TTC28: variants seen among roughly 807,000 people sequenced by gnomAD.
TTC28 encodes the protein tetratricopeptide repeat domain 28, also known as tetratricopeptide repeat protein 28.
In TTC28, 61 loss-of-function variants were observed where a neutral mutation model predicts 198.0. The ratio of observed to expected loss-of-function variants is 0.31; its 90% confidence interval spans 0.25 to 0.38. The LOEUF (loss-of-function observed/expected upper bound fraction) is 0.38. Among genes scored for constraint, TTC28 ranks in the 10% least tolerant of loss-of-function variants. The pLI, the probability that TTC28 is intolerant of heterozygous loss-of-function variation, is 1.00. For missense variants in TTC28, 2,678 were observed against 3,164.0 expected, an observed-to-expected ratio of 0.85 and a Z score of 3.69; for synonymous variants, 1,171 against 1,297.8, an observed-to-expected ratio of 0.90 and a Z score of 2.10.
intron 5 of TTC28, among the ~76,000 whole-genome samples, chr22:28,277,201 A>G (rs1410195531): frequency 6.6e-6 from 1 of 152,240 alleles, no homozygotes; most frequent in East Asian, 1.9e-4. Context: ...GCAGAAGAAT[A>G]TGTATTATGA....
intron 5 of TTC28, among the ~76,000 whole-genome samples, chr22:28,227,917 C>T (rs971570249): frequency 1.3e-5 from 2 of 152,086 alleles, no homozygotes; most frequent in African/African-American, 4.8e-5. Context: ...ATTTGCACGT[C>T]CATGTTTATA....
intron 1 of TTC28, among the ~76,000 whole-genome samples, chr22:28,654,517 G>A (rs1053655303): frequency 6.6e-5 from 10 of 151,948 alleles, no homozygotes; most frequent in Non-Finnish European, 1.0e-4. Flanking sequence ...TAGTAGAGAC[G>A]GGGTTTCACC....
intron 14 of TTC28, among the ~76,000 whole-genome samples, chr22:28,009,951 C>G (rs1938079728): frequency 2.0e-5 from 3 of 152,162 alleles, no homozygotes; most frequent in Non-Finnish European, 4.4e-5. Context: ...ACTTTAATAC[C>G]TTTAAAAAGG....
Position 28,588,973 on chromosome 22 carries a change from GA to G in TTC28, c.381+40578del, listed in dbSNP as rs1402145562. On this transcript the variant is annotated intron_variant, in intron 2 of 22. Transcript: ENST00000397906. ...AGGCCAGCAAGATCAGATCCTAGAG[GA>G]AAAATTACCACCTTTCACTGAGTAT... Among the ~76,000 whole-genome samples the G allele has an allele frequency of 2.0e-5, 3 of 152,136 alleles. No individual in the cohort carries two copies. The East Asian group carries it at 5.8e-4, about 29-fold the overall frequency.
chr22:28,037,085 G>A (rs1354105460), intron 12 of TTC28, among the ~76,000 whole-genome samples: 9 of 152,142 alleles, frequency 5.9e-5, no homozygotes, highest in Admixed American at 5.9e-4. Flanking sequence ...TTCTACCAGA[G>A]GCATAAGGAG....
At position 27,979,003 on chromosome 22, in the gene TTC28, A is replaced by G. The variant is rs1248316433; in HGVS notation, c.*3218T>C. 1 of 152,252 alleles carries G rather than the reference A, an allele frequency of 6.6e-6. No individual in the cohort carries two copies. Among genetic ancestry groups the G allele is most frequent in the Non-Finnish European group, 1.5e-5 (1 of 68,050 alleles). 9.4% of individuals were successfully genotyped at this position (152,252 alleles called of 1,614,324 possible). On this transcript the variant is annotated 3_prime_UTR_variant, in exon 23 of 23. Transcript: ENST00000397906. ...ATATTACATCCATGGACTCCTCCCA[A>G]GTGGGACAAAGAGCCAAGGGCTATG... is the stretch of plus-strand genomic sequence containing the variant.
chr22:28,618,017 A>C (rs1293476723), intron 2 of TTC28, among the ~76,000 whole-genome samples: 1 of 152,204 alleles, frequency 6.6e-6, no homozygotes, highest in Admixed American at 6.5e-5. Context: ...TCACGCCTGC[A>C]ATCCCAGCAC....
intron 5 of TTC28, among the ~76,000 whole-genome samples, chr22:28,256,637 C>G (rs903660517): frequency 2.0e-5 from 3 of 152,064 alleles, no homozygotes; most frequent in Non-Finnish European, 2.9e-5. Context: ...GTAAAAAGAA[C>G]AAGGCTGGAG....
chr22:28,098,857 CGCGCACCCGT>C (rs1310877893), intron 10 of TTC28, 48 bp downstream of exon 10: 1 of 1,523,284 alleles, frequency 6.6e-7, no homozygotes, highest in Non-Finnish European at 8.8e-7. Flanking sequence ...GACACATGGA[CGCGCACCCGT>C]GCGCACTAGT....
chr22:28,087,254 A>C (rs1941642477), intron 12 of TTC28, among the ~76,000 whole-genome samples: 1 of 152,168 alleles, frequency 6.6e-6, no homozygotes, highest in African/African-American at 2.4e-5. Context: ...TTGATGCAAA[A>C]ATCCTCAATA....
rs1942280161 is a variant in TTC28, at chr22:28,105,808, G to C, written c.2784-6C>G. On this transcript the variant is annotated splice_region_variant and splice_polypyrimidine_tract_variant and intron_variant, in intron 7 of 22. Coordinates refer to ENST00000397906, the MANE Select transcript of TTC28 (RefSeq NM_001145418.2). ...GCTGCAAGCTCCCCATTGCCCTGTGGGGATGTAGACAGAAAAGCAATGATA... is the reference window on the plus strand; with the variant it reads ...GCTGCAAGCTCCCCATTGCCCTGTGCGGATGTAGACAGAAAAGCAATGATA... 17 of 1,545,266 alleles carry C rather than the reference G, an allele frequency of 1.1e-5. 1 individual carries two copies. The South Asian group carries it at 1.9e-4, about 17-fold the overall frequency.
chr22:28,358,593 C>G (rs2145952905), intron 2 of TTC28, among the ~76,000 whole-genome samples: 1 of 152,314 alleles, frequency 6.6e-6, no homozygotes, highest in South Asian at 2.1e-4. Context: ...AACTGGTATG[C>G]TAATAGTCCC....
intron 5 of TTC28, among the ~76,000 whole-genome samples, chr22:28,295,651 A>C (rs2145778768): frequency 6.6e-6 from 1 of 152,324 alleles, no homozygotes; most frequent in Non-Finnish European, 1.5e-5. Context: ...CTCTGCAGAC[A>C]GTCTCTAATC....
intron 1 of TTC28, among the ~76,000 whole-genome samples, chr22:28,645,883 T>C (rs538614053): frequency 6.6e-6 from 1 of 152,154 alleles, no homozygotes; most frequent in African/African-American, 2.4e-5. Flanking sequence ...TGCCTCAGCG[T>C]CCCACGTAGC....
chr22:28,495,376 T>G (rs1211846386), intron 2 of TTC28, among the ~76,000 whole-genome samples: 4 of 152,104 alleles, frequency 2.6e-5, no homozygotes, highest in Non-Finnish European at 5.9e-5. Flanking sequence ...GCATCAGAAT[T>G]CTCAACAGCA....
chr22:28,118,019 A>G (rs912355634), intron 6 of TTC28, among the ~76,000 whole-genome samples: 2 of 152,230 alleles, frequency 1.3e-5, no homozygotes, highest in Non-Finnish European at 2.9e-5. Flanking sequence ...ATTATTACGC[A>G]TTATATGCTT....
At chr22:28,158,844 T>C (rs990693278) in intron 6 of TTC28, among the ~76,000 whole-genome samples, 20 of 152,340 alleles carry the variant, frequency 1.3e-4, no homozygotes, top group Non-Finnish European at 2.8e-4. Flanking sequence ...CTCCAGGATA[T>C]TGGTCTGGGC....
At position 28,243,174 on chromosome 22, in the gene TTC28, CAAAAAAAAAAAAAAAAA is replaced by C. The variant is rs754700795; in HGVS notation, c.933+53007_933+53023del. ...GCAACCTGGCAAAACCCCCTCTCTA[CAAAAAAAAAAAAAAAAA>C]AAAAAAAAAAAAAAAAAAAAAACTA... is the stretch of plus-strand genomic sequence containing the variant. On this transcript the variant is annotated intron_variant, in intron 5 of 22. Transcript: ENST00000397906. 9.1e-4 allele frequency among the ~76,000 whole-genome samples: 62 copies of C among 68,334 alleles called. 1 individual carries two copies. Among genetic ancestry groups the C allele is most frequent in the African/African-American group, 2.6e-3 (40 of 15,412 alleles). The allele number at this position is 68,334 out of a possible 152,430, so 44.8% of individuals were successfully genotyped here. A position where few individuals can be genotyped will look rare whatever the true frequency, so the allele number is the denominator to read the frequency against.
chr22:28,058,588 C>T (rs2146728118), intron 12 of TTC28, among the ~76,000 whole-genome samples: 1 of 152,020 alleles, frequency 6.6e-6, no homozygotes, highest in Middle Eastern at 3.4e-3. Context: ...TTCTTTTTAT[C>T]TAATATCATT....
Sources: allele counts gnomAD v4.1 joint callset (sites outside exome capture counted in the v4.1 genomes callset), GRCh38; gene constraint gnomAD v4.1.1; transcripts MANE v1.5; gene names NCBI Gene and HGNC (gene_info 2026-07-23, HGNC 2026-07-21).